BAG3: variants seen among roughly 807,000 people sequenced by gnomAD.
BAG3 encodes BAG cochaperone 3.
Under a neutral mutation model 40.5 loss-of-function variants are expected in BAG3, and 14 were observed. The observed-to-expected ratio is 0.35, with a 90% CI of 0.23 to 0.54. The LOEUF (loss-of-function observed/expected upper bound fraction) is 0.54, where lower values mean the gene tolerates loss of function less well. Among genes scored for constraint, BAG3 ranks in the 20% least tolerant of loss-of-function variants. The pLI is 0.91. For missense variants in BAG3, 788 were observed against 758.6 expected, an observed-to-expected ratio of 1.04 and a Z score of -0.46; for synonymous variants, 302 against 307.8, an observed-to-expected ratio of 0.98 and a Z score of 0.20.
chr10:119,662,950 G>A (rs1453134508), intron 1 of BAG3, among the ~76,000 whole-genome samples: 1 of 152,176 alleles, frequency 6.6e-6, no homozygotes, highest in African/African-American at 2.4e-5. Flanking sequence ...GGGAGGCGGA[G>A]GTTGCAATGA....
intron 3 of BAG3, among the ~76,000 whole-genome samples, chr10:119,674,082 G>A (rs1847187493): frequency 6.6e-6 from 1 of 152,222 alleles, no homozygotes; most frequent in Non-Finnish European, 1.5e-5. Context: ...ACCGCATTTA[G>A]ATGCAACTTC....
At chr10:119,659,743 G>C (rs1846967337) in intron 1 of BAG3, among the ~76,000 whole-genome samples, 1 of 152,246 alleles carries the variant, frequency 6.6e-6, no homozygotes, top group African/African-American at 2.4e-5. Context: ...GTCGTGTCTG[G>C]AGGATGGACT....
chr10:119,677,797 T>C lies in BAG3; in HGVS notation c.*515T>C, dbSNP rs1469808716. ...AATGCTACATTTTAAAAAAAGAAAA[T>C]AAAGTAATAATATAACTCAAAATGG... On this transcript the variant is annotated 3_prime_UTR_variant, in exon 4 of 4. Transcript: ENST00000369085. 2 of 161,322 alleles carry C rather than the reference T, an allele frequency of 1.2e-5. No individual in the cohort carries two copies. The highest frequency in any genetic ancestry group is 1.2e-4 in the Admixed American group (2 of 17,324). The allele number at this position is 161,322 out of a possible 1,614,324, so 10.0% of individuals were successfully genotyped here.
chr10:119,662,900 A>G (rs1027743958), intron 1 of BAG3, among the ~76,000 whole-genome samples: 20 of 152,232 alleles, frequency 1.3e-4, no homozygotes, highest in Admixed American at 3.9e-4. Context: ...CTGTAGTCCC[A>G]GCTACTCAGG....
chr10:119,667,833 C>T (rs951022406), intron 1 of BAG3, among the ~76,000 whole-genome samples: 2 of 152,198 alleles, frequency 1.3e-5, no homozygotes, highest in Non-Finnish European at 2.9e-5. Flanking sequence ...CAATGAGCCC[C>T]TGGGCAGCCA....
intron 1 of BAG3, chr10:119,657,517 C>G (rs2134054450): frequency 2.1e-6 from 1 of 471,052 alleles, no homozygotes; most frequent in East Asian, 6.9e-5. Context: ...AGAACATGGG[C>G]CTGCCCAGAG....
rs1847164250 is a variant in BAG3 at position 119,672,414 on chromosome 10, C to A, written c.667C>A (p.Pro223Thr). The A allele has an allele frequency of 1.9e-6, 3 of 1,614,182 alleles. No individual in the cohort carries two copies. The highest frequency in any genetic ancestry group is 2.2e-5 in the East Asian group (1 of 44,874). Residue 223 changes from proline to threonine, a missense_variant, in exon 3 of 4, where the codon CCC becomes ACC. Pro to Thr is a conservative substitution (Grantham distance 38). Transcript: ENST00000369085. This position sits in a 1 kb window ranked among gnomAD's most constrained non-coding sequence, Gnocchi z 4.8. ...EQNVTRPAAQ[P>T]SFHQAQKTHY... ...GAACGTTACCCGGCCAGCAGCCCAG[C>A]CCTCCTTCCACCAAGCCCAGAAGAC...
intron 1 of BAG3, among the ~76,000 whole-genome samples, chr10:119,667,615 C>G (rs1487614351): frequency 6.6e-6 from 1 of 152,168 alleles, no homozygotes; most frequent in African/African-American, 2.4e-5. Context: ...CCAAGTAATT[C>G]TGCTTCTTGT....
At chr10:119,658,264 G>C (rs921032868) in intron 1 of BAG3, among the ~76,000 whole-genome samples, 1 of 152,250 alleles carries the variant, frequency 6.6e-6, no homozygotes, top group African/African-American at 2.4e-5. Flanking sequence ...AGAAAAGCCA[G>C]CCCCTTCGCT....
At chr10:119,666,724 A>C (rs1456196488) in intron 1 of BAG3, among the ~76,000 whole-genome samples, 1 of 106,500 alleles carries the variant, frequency 9.4e-6, no homozygotes, top group Non-Finnish European at 2.1e-5. Flanking sequence ...GGGTCTGGCT[A>C]TAAGGGGTTG....
chr10:119,670,486 A>T (rs1335374987), intron 2 of BAG3, among the ~76,000 whole-genome samples: 1 of 152,214 alleles, frequency 6.6e-6, no homozygotes, highest in African/African-American at 2.4e-5. Flanking sequence ...AGGTGGAGGG[A>T]GCAGAGCTGG....
chr10:119,659,009 GT>G (rs1846955839), intron 1 of BAG3, among the ~76,000 whole-genome samples: 1 of 152,154 alleles, frequency 6.6e-6, no homozygotes, highest in Non-Finnish European at 1.5e-5. Flanking sequence ...CTGGGGTCTT[GT>G]TTCTTAGAAG....
intron 1 of BAG3, among the ~76,000 whole-genome samples, chr10:119,668,100 G>GC (rs1288875777): frequency 6.6e-6 from 1 of 152,214 alleles, no homozygotes; most frequent in East Asian, 1.9e-4. Context: ...GCCGCCCTGA[G>GC]CACGTGGCTG....
At chr10:119,671,457 C>T (rs1364434239) in intron 2 of BAG3, among the ~76,000 whole-genome samples, 1 of 152,196 alleles carries the variant, frequency 6.6e-6, no homozygotes, top group African/African-American at 2.4e-5. Flanking sequence ...TAGAAGGTGG[C>T]CCAGCAGGGA....
At chr10:119,670,411 T>G (rs1847133820) in intron 2 of BAG3, among the ~76,000 whole-genome samples, 1 of 152,232 alleles carries the variant, frequency 6.6e-6, no homozygotes, top group Non-Finnish European at 1.5e-5. Context: ...ATCATGTGGC[T>G]TCTTTTTGTA....
rs754615028 is a variant in BAG3, at chr10:119,672,415, C to T, written c.668C>T (p.Pro223Leu). The change falls in exon 3 of 4, where the codon CCC (proline) becomes CTC (leucine). Residue 223 changes from proline to leucine, a missense_variant. By Grantham distance (98) the Pro-to-Leu change is moderately conservative. Transcript: ENST00000369085. The surrounding 1 kb of genome is among the most constrained non-coding windows in gnomAD (Gnocchi z 4.8). ...EQNVTRPAAQ[P>L]SFHQAQKTHY... ...AACGTTACCCGGCCAGCAGCCCAGC[C>T]CTCCTTCCACCAAGCCCAGAAGACG... is the stretch of plus-strand genomic sequence containing the variant. 1.9e-6 allele frequency: 3 copies of T among 1,614,202 alleles called. No homozygotes were observed. The highest frequency in any genetic ancestry group is 1.3e-5 in the African/African-American group (1 of 75,048).
intron 1 of BAG3, among the ~76,000 whole-genome samples, chr10:119,668,335 T>TC (rs2134062185): frequency 6.6e-6 from 1 of 152,378 alleles, no homozygotes; most frequent in African/African-American, 2.4e-5. Flanking sequence ...AGAGCAGCCC[T>TC]CAGTATCTGT....
Position 119,676,467 on chromosome 10 carries a change from C to T in BAG3, c.913C>T (p.Pro305Ser). Residue 305 changes from proline to serine, a missense_variant, in exon 4 of 4, where the codon CCC becomes TCC. Transcript: ENST00000369085. Reference protein sequence around the residue: ...VHTVVDRPQQPMTHRETAPVS... With the variant: ...VHTVVDRPQQSMTHRETAPVS... The stretch of plus-strand genomic sequence containing the variant: ...TATTTTTGTGTCCTTTTTTCAGCAG[C>T]CCATGACCCATCGAGAAACTGCACC... The T allele has an allele frequency of 1.2e-6, 2 of 1,614,000 alleles. No individual in the cohort carries two copies. Among genetic ancestry groups the T allele is most frequent in the East Asian group, 2.2e-5 (1 of 44,890 alleles).
intron 1 of BAG3, among the ~76,000 whole-genome samples, chr10:119,654,890 C>T (rs574687622): frequency 1.3e-5 from 2 of 152,348 alleles, no homozygotes; most frequent in South Asian, 4.1e-4. Context: ...CTCCATGGAT[C>T]TTGGGGGTTA....
Sources: gnomAD v4.1 joint callset for allele counts (sites outside exome capture counted in the v4.1 genomes callset) on GRCh38, gnomAD v4.1.1 for gene constraint, Gnocchi (gnomAD v3.1) non-coding constraint, MANE v1.5 for transcripts, NCBI Gene and HGNC (gene_info 2026-07-23, HGNC 2026-07-21) for gene names.